The following NEB variants were observed in gnomAD, a reference collection of about 807,000 sequenced individuals.
NEB encodes the protein nebulin.
Under a neutral mutation model 952.2 loss-of-function variants are expected in NEB, and 512 were observed. That is an observed-to-expected ratio of 0.54 (90% CI 0.50 to 0.58). The LOEUF is 0.58. Ranked by LOEUF, NEB falls within the 20% of genes least tolerant of loss-of-function variation. NEB has a pLI of 0.00. For missense variants in NEB, 8,428 were observed against 9,231.1 expected (o/e 0.91, Z 3.56); for synonymous variants, 2,900 against 3,149.8 (o/e 0.92, Z 2.66).
intron 27 of NEB, 117 bp downstream of exon 27, chr2:151,687,302 T>C: frequency 1.2e-6 from 1 of 853,202 alleles, no homozygotes; most frequent in East Asian, 2.4e-5. Flanking sequence ...AGCAGTACTT[T>C]TGTGAATGTG....
At position 151,672,675 on chromosome 2, in the gene NEB, T is replaced by C. The variant is rs774485263; in HGVS notation, c.3993A>G (p.Lys1331=). ...TTGACTTCTCATAAGCTTCCTTGTA[T>C]TTATACTGTGGAGGCAGAATTGGGT... is the stretch of plus-strand genomic sequence containing the variant. ...KASRNIASDY[K]YKEAYEKSKG... Residue 1331 remains lysine (K), a synonymous_variant, in exon 37 of 182, where the codon AAA becomes AAG. Coordinates refer to ENST00000397345, the MANE Select transcript of NEB (RefSeq NM_001164508.2). 1 of 1,610,732 alleles carries C rather than the reference T, an allele frequency of 6.2e-7. No homozygotes were observed. The highest frequency in any genetic ancestry group is 8.5e-7 in the Non-Finnish European group (1 of 1,177,720).
chr2:151,537,033 T>C, intron 141 of NEB, 99 bp downstream of exon 141: 1 of 685,478 alleles, frequency 1.5e-6, no homozygotes, highest in Middle Eastern at 2.6e-4. Flanking sequence ...GAAGCCATGA[T>C]AGGGATGGAA....
chr2:151,656,605 CT>C lies in NEB; in HGVS notation c.6184-142del, dbSNP rs2154150090. The stretch of plus-strand genomic sequence containing the variant: ...TGTATAGAGCTCTATAGTTCACAGA[CT>C]AATTTTTCATATTTATTGATGTAAC... On this transcript the variant is annotated intron_variant, in intron 48 of 181. Transcript: ENST00000397345. The C allele has an allele frequency of 1.0e-5, 4 of 392,484 alleles. No individual in the cohort carries two copies. The South Asian group carries it at 5.0e-4, about 49-fold the overall frequency. 24.3% of individuals were successfully genotyped at this position (392,484 alleles called of 1,614,324 possible).
intron 27 of NEB, among the ~76,000 whole-genome samples, chr2:151,685,291 A>C (rs2099486584): frequency 6.6e-6 from 1 of 152,204 alleles, no homozygotes; most frequent in Non-Finnish European, 1.5e-5. Flanking sequence ...AAGTGTTACT[A>C]TTATTCATGT....
At chr2:151,658,172 G>A in intron 47 of NEB, 82 bp from the exon 48 acceptor site, 4 of 1,057,940 alleles carry the variant, frequency 3.8e-6, no homozygotes, top group Non-Finnish European at 5.4e-6. Context: ...TACCACTGTG[G>A]CGTCTTTTTT....
intron 143 of NEB, 43 bp downstream of exon 143, chr2:151,533,399 G>A: frequency 7.5e-7 from 1 of 1,339,920 alleles, no homozygotes; most frequent in Non-Finnish European, 1.0e-6. Flanking sequence ...ATGCATCCAA[G>A]ACTTCTTCTA....
Position 151,567,330 on chromosome 2 carries a change from G to T in NEB, c.17994C>A (p.Ala5998=). The T allele has an allele frequency of 6.2e-7, 1 of 1,613,846 alleles. No homozygotes were observed. The highest frequency in any genetic ancestry group is 8.5e-7 in the Non-Finnish European group (1 of 1,179,836). ...LYKEDYHKTK[A]KINIPADMVS... is the part of the protein sequence containing the mutation. ...CCATATCAGCAGGTATATTGATTTTGGCCTTTGTTTTGTGATAGTCCTCTT... is the reference window on the plus strand; with the variant it reads ...CCATATCAGCAGGTATATTGATTTTTGCCTTTGTTTTGTGATAGTCCTCTT... Residue 5998 remains alanine (A), a synonymous_variant, in exon 114 of 182, where the codon GCC becomes GCA. Transcript: ENST00000397345.
chr2:151,642,633 T>A lies in NEB; in HGVS notation c.8314A>T (p.Met2772Leu). 1 of 1,613,988 alleles carries A rather than the reference T, an allele frequency of 6.2e-7. No individual in the cohort carries two copies. Among genetic ancestry groups the A allele is most frequent in the Non-Finnish European group, 8.5e-7 (1 of 1,179,852 alleles). Residue 2772 changes from methionine to leucine, a missense_variant, in exon 60 of 182, where the codon ATG (methionine) becomes TTG (leucine). Physicochemically the swap from Met to Leu is conservative, Grantham distance 15. This residue lies in a region of NEB where 1,772 missense variants were observed against 1,960.3 expected (regional missense o/e 0.90). Coordinates refer to ENST00000397345, the MANE Select transcript of NEB (RefSeq NM_001164508.2). ...LEEAKRKGYD[M>L]RVDAIPIKAA... ...TTGATAGGAATGGCATCTACCCGCA[T>A]GTCATAACCTTTCCTCTTGGCTTCT...
intron 105 of NEB, among the ~76,000 whole-genome samples, chr2:151,577,244 T>TG (rs1307596977): frequency 3.9e-5 from 6 of 152,158 alleles, no homozygotes; most frequent in Non-Finnish European, 7.3e-5. Flanking sequence ...AAGGGATGAA[T>TG]GGTCTGGCAC....
Position 151,674,518 on chromosome 2 carries a change from G to C in NEB, c.3946C>G (p.Pro1316Ala). Residue 1316 changes from proline (P) to alanine (A), a missense_variant, in exon 36 of 182, where the codon CCC (proline) becomes GCC (alanine). Around this residue, in one of 11 missense-constraint regions of NEB, gnomAD observed 2,851 missense variants for 2,791.5 expected, o/e 1.02. Transcript: ENST00000397345. ...KGNNVLGDAI[P>A]ITAAKASRNI... The stretch of plus-strand genomic sequence containing the variant: ...CTCGATGCCTTGGCTGCAGTGATGG[G>C]AATAGCATCGCCCAGCACATTGTTG... 6.2e-7 allele frequency: 1 copy of C among 1,613,980 alleles called. No homozygotes were observed. Among genetic ancestry groups the C allele is most frequent in the Non-Finnish European group, 8.5e-7 (1 of 1,179,874 alleles).
chr2:151,635,025 G>T (rs2098730577), intron 64 of NEB, among the ~76,000 whole-genome samples: 1 of 152,136 alleles, frequency 6.6e-6, no homozygotes, highest in South Asian at 2.1e-4. Context: ...TGGTACAGTG[G>T]AAAGGAATGA....
At chr2:151,654,476 C>T (rs1205436050) in intron 51 of NEB, among the ~76,000 whole-genome samples, 2 of 152,156 alleles carry the variant, frequency 1.3e-5, no homozygotes, top group East Asian at 1.9e-4. Context: ...AAACAGGTCA[C>T]AACATTTTAA....
At chr2:151,490,682 T>A (rs2055727790) in intron 179 of NEB, among the ~76,000 whole-genome samples, 164 bp from the exon 180 acceptor site, 1 of 152,234 alleles carries the variant, frequency 6.6e-6, no homozygotes, top group African/African-American at 2.4e-5. Flanking sequence ...GGTTTGTCTT[T>A]CTTATTTTTA....
At chr2:151,656,979 G>A (rs567612671) in intron 48 of NEB, among the ~76,000 whole-genome samples, 66 of 152,204 alleles carry the variant, frequency 4.3e-4, no homozygotes, top group South Asian at 8.3e-4. Flanking sequence ...CTTTATATTC[G>A]TGGAGCTCCT....
In NEB at chr2:151,513,049, T is replaced by A. The variant is rs927896379; in HGVS notation, c.23242-212A>T. ...CAAGTCCTAGCTGTTGAGAGAAGAT[T>A]TAGTTGGATGCAGGATGGGATATGG... On this transcript the variant is annotated intron_variant, in intron 160 of 181. Coordinates refer to ENST00000397345, the MANE Select transcript of NEB (RefSeq NM_001164508.2). Among the ~76,000 whole-genome samples the A allele has an allele frequency of 3.9e-5, 6 of 152,136 alleles. No individual in the cohort carries two copies. The East Asian group carries it at 1.2e-3, about 29-fold the overall frequency.
chr2:151,527,103 G>T, intron 147 of NEB, 81 bp from the exon 148 acceptor site: 2 of 894,702 alleles, frequency 2.2e-6, no homozygotes, highest in Non-Finnish European at 3.5e-6. Context: ...CACACAGGGA[G>T]TCCTCTTAAG....
At position 151,497,733 on chromosome 2, in the gene NEB, A is replaced by G. The variant is rs748298265; in HGVS notation, c.24208-15T>C. On this transcript the variant is annotated splice_polypyrimidine_tract_variant and intron_variant, in intron 170 of 181. Coordinates refer to ENST00000397345, the MANE Select transcript of NEB (RefSeq NM_001164508.2). ...TTGTATAACACCTGTGCGATAAGAA[A>G]GCATCCAGAAAAACAACCATGAGTA... The G allele has an allele frequency of 6.4e-7, 1 of 1,562,668 alleles. No homozygotes were observed. Among genetic ancestry groups the G allele is most frequent in the South Asian group, 1.2e-5 (1 of 84,248 alleles).
Position 151,609,939 on chromosome 2 carries a change from A to G in NEB, c.12200T>C (p.Ile4067Thr), listed in dbSNP as rs746008098. 200 of 1,613,882 alleles carry G rather than the reference A, an allele frequency of 1.2e-4. No homozygotes were observed. The highest frequency in any genetic ancestry group is 1.7e-4 in the Non-Finnish European group (196 of 1,179,884). The part of the protein sequence containing the change: ...KFSSPVDMLS[I>T]LLAKKCQTLV... ...AGTCTGACATTTCTTGGCCAGCAAG[A>G]TGCTTAACATGTCCACTGGGCTAGA... The change falls in exon 81 of 182, where the codon ATC (isoleucine) becomes ACC (threonine). Residue 4067 changes from isoleucine (I) to threonine (T), a missense_variant. Transcript: ENST00000397345.
chr2:151,647,011 G>T (rs1212070407), intron 54 of NEB, among the ~76,000 whole-genome samples: 3 of 152,228 alleles, frequency 2.0e-5, no homozygotes, highest in South Asian at 4.2e-4. Flanking sequence ...TTTTGGGGGG[G>T]AATTTATCAA....
Sources: gnomAD v4.1 joint callset for allele counts (sites outside exome capture counted in the v4.1 genomes callset) on GRCh38, gnomAD v4.1.1 for gene constraint, gnomAD v4.1.1 regional missense constraint, MANE v1.5 for transcripts, NCBI Gene and HGNC (gene_info 2026-07-23, HGNC 2026-07-21) for gene names.